The following ZNF875 variants were observed in gnomAD, a reference collection of about 807,000 sequenced individuals.
ZNF875 encodes the protein zinc finger protein 875, also known as HKR1, GLI-Kruppel zinc finger family member.
A neutral mutation model predicts 11.2 loss-of-function variants in ZNF875; 14 were observed. That is an observed-to-expected ratio of 1.26 (90% CI 0.83 to 1.96). The LOEUF (loss-of-function observed/expected upper bound fraction) is 1.96, where lower values mean the gene tolerates loss of function less well. Ranked by LOEUF, ZNF875 falls within the 30% of genes most tolerant of loss-of-function variation. ZNF875 has a pLI of 0.00. For synonymous variants in ZNF875, 301 were observed against 281.1 expected (o/e 1.07, Z -0.71); for missense variants, 752 against 760.4 (o/e 0.99, Z 0.13).
intron 2 of ZNF875, among the ~76,000 whole-genome samples, chr19:37,342,610 C>T (rs1345040313): frequency 3.9e-5 from 6 of 151,996 alleles, no homozygotes; most frequent in African/African-American, 1.5e-4. Flanking sequence ...CGGGGTTTCT[C>T]CATGTTGGTC....
chr19:37,341,080 A>G (rs2035622305), intron 2 of ZNF875, among the ~76,000 whole-genome samples: 1 of 152,160 alleles, frequency 6.6e-6, no homozygotes, highest in African/African-American at 2.4e-5. Flanking sequence ...TGAGTGAGAA[A>G]TGGGAGGACT....
intron 4 of ZNF875, among the ~76,000 whole-genome samples, chr19:37,329,370 C>G (rs2033031465): frequency 6.6e-6 from 1 of 152,108 alleles, no homozygotes; most frequent in African/African-American, 2.4e-5. Flanking sequence ...CTGCTGCAGG[C>G]TATGGATGGT....
intron 4 of ZNF875, 35 bp from the exon 5 acceptor site, chr19:37,362,074 C>T: frequency 6.6e-7 from 1 of 1,515,802 alleles, no homozygotes; most frequent in Non-Finnish European, 9.1e-7. Flanking sequence ...ACAGCCCTAC[C>T]TATGGCCCCT....
At chr19:37,340,644 CT>C (rs386388968) in intron 2 of ZNF875, among the ~76,000 whole-genome samples, 3,451 of 104,628 alleles carry the variant, frequency 0.033, 35 homozygotes, top group African/African-American at 0.075. Context: ...CTTATGTGTA[CT>C]TTTTTTTTTT....
At chr19:37,347,973 C>T (rs185216417) in intron 4 of ZNF875, 101 bp downstream of exon 4, 1 of 701,058 alleles carries the variant, frequency 1.4e-6, no homozygotes, top group Admixed American at 2.5e-5. Context: ...CTTCAGGCCT[C>T]CTAAGCCAAG....
At chr19:37,325,328 C>A (rs6508715) in intron 4 of ZNF875, among the ~76,000 whole-genome samples, 41,425 of 151,730 alleles carry the variant, frequency 0.27, 7,047 homozygotes, top group African/African-American at 0.48. Flanking sequence ...TTGTGGTTCT[C>A]ATGTTTCTGC....
intron 4 of ZNF875, among the ~76,000 whole-genome samples, chr19:37,360,328 T>C (rs2039691588): frequency 6.6e-6 from 1 of 152,240 alleles, no homozygotes; most frequent in East Asian, 1.9e-4. Flanking sequence ...ACTGTAGCTT[T>C]ATATTAAGTT....
chr19:37,335,024 GC>G, intron 1 of ZNF875, 144 bp from the exon 2 acceptor site: 2 of 560,812 alleles, frequency 3.6e-6, no homozygotes, highest in Non-Finnish European at 6.5e-6. Context: ...GGTCATCCTG[GC>G]CCCCCACTGG....
intron 1 of ZNF875, among the ~76,000 whole-genome samples, chr19:37,321,512 A>C (rs2145675449): frequency 6.6e-6 from 1 of 152,236 alleles, no homozygotes; most frequent in Middle Eastern, 3.4e-3. Flanking sequence ...ATAAATACTG[A>C]GGGAACTCAG....
intron 4 of ZNF875, among the ~76,000 whole-genome samples, chr19:37,361,044 T>G (rs1466108226): frequency 6.6e-6 from 1 of 151,846 alleles, no homozygotes; most frequent in Non-Finnish European, 1.5e-5. Flanking sequence ...AGAGATTTTT[T>G]TTACTTCTTC....
At chr19:37,330,828 C>A (rs569887256), upstream of ZNF875, among the ~76,000 whole-genome samples, 48 of 151,660 alleles carry the variant, frequency 3.2e-4, no homozygotes, top group African/African-American at 1.1e-3. Flanking sequence ...GTTTGTTCTT[C>A]CCCTTTTGTG....
chr19:37,352,874 C>CTTTT (rs60469285), intron 4 of ZNF875, among the ~76,000 whole-genome samples: 1 of 87,764 alleles, frequency 1.1e-5, no homozygotes, highest in Non-Finnish European at 2.3e-5. Flanking sequence ...ATTCTTTTTT[C>CTTTT]TTTTTTTTTT....
At chr19:37,352,337 T>G (rs2038061820) in intron 4 of ZNF875, among the ~76,000 whole-genome samples, 1 of 152,106 alleles carries the variant, frequency 6.6e-6, no homozygotes, top group African/African-American at 2.4e-5. Context: ...GCCTCCTGGC[T>G]TCAAGTGATT....
chr19:37,338,842 C>T (rs1036132278), intron 2 of ZNF875, among the ~76,000 whole-genome samples: 7 of 152,068 alleles, frequency 4.6e-5, no homozygotes, highest in Non-Finnish European at 8.8e-5. Context: ...GTAGAATTTC[C>T]AGATACTCTT....
rs2040162701 is a variant in ZNF875 at position 37,362,753 on chromosome 19, C to G, written c.901C>G (p.Gln301Glu). ...FTWKSNLITHQRTHSGEKPYV... is the reference protein window; with the variant it reads ...FTWKSNLITHERTHSGEKPYV... ...GTGGAAGTCAAACCTGATCACACAT[C>G]AGAGGACACACTCAGGGGAGAAACC... The change falls in exon 5 of 5, where the codon CAG (glutamine) becomes GAG (glutamate). Residue 301 changes from glutamine to glutamate, a missense_variant. Physicochemically the swap from Gln to Glu is conservative, Grantham distance 29 (BLOSUM62 2). Coordinates refer to ENST00000392153, the MANE Select transcript of ZNF875 (RefSeq NM_001353803.2). 1 of 1,612,956 alleles carries G rather than the reference C, an allele frequency of 6.2e-7. No homozygotes were observed. The highest frequency in any genetic ancestry group is 8.5e-7 in the Non-Finnish European group (1 of 1,179,666).
At chr19:37,350,334 G>T (rs374595742) in intron 4 of ZNF875, among the ~76,000 whole-genome samples, 1 of 150,658 alleles carries the variant, frequency 6.6e-6, no homozygotes, top group Non-Finnish European at 1.5e-5. Context: ...CTCATGATCC[G>T]CCCACCTCAG....
Position 37,347,378 on chromosome 19 carries a change from A to C in ZNF875, c.160+62A>C, listed in dbSNP as rs1412515466. 7 of 1,489,160 alleles carry C rather than the reference A, an allele frequency of 4.7e-6. No homozygotes were observed. In the East Asian group the frequency reaches 1.4e-4, roughly 29 times the overall value. 92.2% of individuals were successfully genotyped at this position (1,489,160 alleles called of 1,614,324 possible). On this transcript the variant is annotated intron_variant, in intron 3 of 4. Coordinates refer to ENST00000392153, the MANE Select transcript of ZNF875 (RefSeq NM_001353803.2). Reference sequence around the variant, plus strand: ...TACAGAGTATTTTCCACTCATCGTGAGGAAGGGCTACCTGCAGAGCACCTT... The same window carrying C: ...TACAGAGTATTTTCCACTCATCGTGCGGAAGGGCTACCTGCAGAGCACCTT...
chr19:37,317,356 T>G (rs1162866477), upstream of ZNF875, among the ~76,000 whole-genome samples: 1 of 151,930 alleles, frequency 6.6e-6, no homozygotes, highest in African/African-American at 2.4e-5. Context: ...CCGGCTAATT[T>G]TTTGTATTTT....
chr19:37,350,092 C>T (rs1464633282), intron 4 of ZNF875, among the ~76,000 whole-genome samples: 6 of 144,180 alleles, frequency 4.2e-5, no homozygotes, highest in African/African-American at 1.5e-4. Flanking sequence ...CCACCACGCC[C>T]GGCCCCCACT....
Sources: gnomAD v4.1 joint callset for allele counts (sites outside exome capture counted in the v4.1 genomes callset) on GRCh38, gnomAD v4.1.1 for gene constraint, MANE v1.5 for transcripts, NCBI Gene and HGNC (gene_info 2026-07-23, HGNC 2026-07-21) for gene names.